The following SHISA9 variants were observed in gnomAD, a reference collection of about 807,000 sequenced individuals.
SHISA9 encodes the protein shisa family member 9, also known as protein shisa-9.
SHISA9 carries 13 observed loss-of-function variants against 38.0 expected under a neutral mutation model. The observed-to-expected ratio is 0.34, with a 90% CI of 0.22 to 0.54. The LOEUF (loss-of-function observed/expected upper bound fraction) is 0.54. SHISA9 is among the 20% of genes least tolerant of loss of function. The probability of loss-of-function intolerance (pLI) is 0.91; values close to 1 mark genes in which losing one functional copy is unlikely to be tolerated. For missense variants in SHISA9, 538 were observed against 575.8 expected (o/e 0.93, Z 0.67); for synonymous variants, 275 against 242.0 (o/e 1.14, Z -1.27).
chr16:13,160,566 G>T (rs1376577230), intron 2 of SHISA9, among the ~76,000 whole-genome samples: 1 of 152,182 alleles, frequency 6.6e-6, no homozygotes, highest in Non-Finnish European at 1.5e-5. Flanking sequence ...ATGCATCTAA[G>T]TTGGGTCACG....
intron 2 of SHISA9, among the ~76,000 whole-genome samples, chr16:13,015,904 T>TTCTTTCTTTCTTTCTTTCTTTC (rs1416111724): frequency 8.3e-6 from 1 of 120,180 alleles, no homozygotes; most frequent in Non-Finnish European, 1.8e-5. Context: ...CTTTCTTTCT[T>TTCTTTCTTTCTTTCTTTCTTTC]TCTTTTCTTT....
At chr16:13,534,057 A>T in the SHISA9 span, among the ~76,000 whole-genome samples, 4 of 152,084 alleles carry the variant, frequency 2.6e-5, no homozygotes, top group Admixed American at 1.3e-4. Context: ...TGTTGGGATT[A>T]TAGGCGTGAG....
chr16:12,945,016 A>G (rs1049950864), intron 2 of SHISA9, among the ~76,000 whole-genome samples: 6 of 152,164 alleles, frequency 3.9e-5, no homozygotes, highest in African/African-American at 1.4e-4. Flanking sequence ...AGTCATTGCA[A>G]TTGAAGAGCA....
intron 2 of SHISA9, among the ~76,000 whole-genome samples, chr16:13,082,084 C>T (rs1045213204): frequency 1.3e-5 from 2 of 152,192 alleles, no homozygotes; most frequent in Non-Finnish European, 2.9e-5. Flanking sequence ...ACTACAACAA[C>T]AACAGAACCC....
chr16:13,311,542 T>C, the SHISA9 span, among the ~76,000 whole-genome samples: 1 of 152,178 alleles, frequency 6.6e-6, no homozygotes, highest in Non-Finnish European at 1.5e-5. Context: ...GGGTTTCAAG[T>C]AGCTTGGGCT....
At chr16:13,111,155 C>A (rs2073974418) in intron 2 of SHISA9, among the ~76,000 whole-genome samples, 1 of 152,136 alleles carries the variant, frequency 6.6e-6, no homozygotes, top group Non-Finnish European at 1.5e-5. Flanking sequence ...ATGACTAAAA[C>A]ACCAAAAGCA....
At chr16:13,024,276 A>T (rs1275065255) in intron 2 of SHISA9, among the ~76,000 whole-genome samples, 1 of 152,214 alleles carries the variant, frequency 6.6e-6, no homozygotes, top group Non-Finnish European at 1.5e-5. Flanking sequence ...GGAGGGACCA[A>T]GCCCAGAACA....
chr16:13,413,520 C>T, the SHISA9 span, among the ~76,000 whole-genome samples: 230 of 151,998 alleles, frequency 1.5e-3, 3 homozygotes, highest in African/African-American at 5.4e-3. Context: ...CTTTGGGAGG[C>T]CGAGGTGGGC....
the SHISA9 span, among the ~76,000 whole-genome samples, chr16:13,495,808 T>C: frequency 2.0e-5 from 3 of 152,098 alleles, 1 homozygote; most frequent in South Asian, 4.2e-4. Flanking sequence ...TAAATCTACA[T>C]TGAAACAGTA....
intron 2 of SHISA9, among the ~76,000 whole-genome samples, chr16:13,184,027 G>A (rs937812168): frequency 2.6e-5 from 4 of 152,042 alleles, no homozygotes; most frequent in African/African-American, 4.8e-5. Flanking sequence ...CTCAGGAGAC[G>A]GTTGGGCAGG....
chr16:13,007,978 C>T (rs1287337471), intron 2 of SHISA9, among the ~76,000 whole-genome samples: 2 of 152,164 alleles, frequency 1.3e-5, no homozygotes, highest in Non-Finnish European at 2.9e-5. Flanking sequence ...TTCTACTCTC[C>T]TACACCAGCT....
the SHISA9 span, among the ~76,000 whole-genome samples, chr16:13,378,142 G>T: frequency 6.6e-6 from 1 of 152,202 alleles, no homozygotes; most frequent in Admixed American, 6.5e-5. Context: ...TGGGATTTAT[G>T]TTACTTAGGG....
chr16:13,526,811 A>G, the SHISA9 span, among the ~76,000 whole-genome samples: 1 of 152,178 alleles, frequency 6.6e-6, no homozygotes, highest in Non-Finnish European at 1.5e-5. Context: ...ACCCCTGAAG[A>G]TGGAACCTAA....
the SHISA9 span, among the ~76,000 whole-genome samples, chr16:13,475,975 T>C: frequency 6.6e-6 from 1 of 152,126 alleles, no homozygotes; most frequent in Admixed American, 6.5e-5. Context: ...CAGCTGTAAA[T>C]AAAGATGAAG....
chr16:13,151,428 C>T (rs2050498508), intron 2 of SHISA9, among the ~76,000 whole-genome samples: 1 of 152,092 alleles, frequency 6.6e-6, no homozygotes, highest in African/African-American at 2.4e-5. Context: ...CAAGGGATCA[C>T]AACCTCTCTC....
At chr16:13,519,724 T>C in the SHISA9 span, among the ~76,000 whole-genome samples, 1 of 152,174 alleles carries the variant, frequency 6.6e-6, no homozygotes, top group African/African-American at 2.4e-5. Flanking sequence ...ATACACGTCC[T>C]TCTTCACATG....
At chr16:13,326,773 G>A in the SHISA9 span, among the ~76,000 whole-genome samples, 51 of 152,266 alleles carry the variant, frequency 3.3e-4, no homozygotes, top group African/African-American at 1.2e-3. Context: ...CTGAATGGCT[G>A]TTATTATATC....
chr16:13,531,270 G>A, the SHISA9 span, among the ~76,000 whole-genome samples: 1 of 152,104 alleles, frequency 6.6e-6, no homozygotes, highest in East Asian at 1.9e-4. Flanking sequence ...ACCCCAGTAA[G>A]GGCACCGAAA....
chr16:13,474,442 A>G, the SHISA9 span: 1 of 152,220 alleles, frequency 6.6e-6, no homozygotes. Context: ...AGTGCTTTAC[A>G]TGAATTATAC....
Sources: allele counts gnomAD v4.1 joint callset (sites outside exome capture counted in the v4.1 genomes callset), GRCh38; gene constraint gnomAD v4.1.1; transcripts MANE v1.5; gene names NCBI Gene and HGNC (gene_info 2026-07-23, HGNC 2026-07-21).